Variants in SPMIP3 observed in about 807,000 individuals in gnomAD.
The protein encoded by SPMIP3 is protein SPMIP3.
At chr1:244,368,338 G>A in the SPMIP3 span, among the ~76,000 whole-genome samples, 1 of 152,174 alleles carries the variant, frequency 6.6e-6, no homozygotes, top group Non-Finnish European at 1.5e-5. Flanking sequence ...CTCTTACTCT[G>A]TGCCAAGCAC....
At chr1:244,367,414 TG>T in the SPMIP3 span, among the ~76,000 whole-genome samples, 1 of 151,948 alleles carries the variant, frequency 6.6e-6, no homozygotes, top group African/African-American at 2.4e-5. Context: ...GGGGTGGCCG[TG>T]GGCTGGAGAA....
chr1:244,374,587 C>CTTTTTTTTTTTTTTTTTTTTTT, the SPMIP3 span, among the ~76,000 whole-genome samples: 2 of 74,616 alleles, frequency 2.7e-5, 1 homozygote, highest in Non-Finnish European at 4.9e-5. Flanking sequence ...CCACATTTCT[C>CTTTTTTTTTTTTTTTTTTTTTT]TTTTTTTTTT....
chr1:244,378,655 T>C, the SPMIP3 span: 7 of 1,605,700 alleles, frequency 4.4e-6, no homozygotes, highest in South Asian at 2.2e-5. Flanking sequence ...TCAGGCCAAC[T>C]GCTCTTAACT....
At chr1:244,371,244 A>T in the SPMIP3 span, among the ~76,000 whole-genome samples, 1 of 152,224 alleles carries the variant, frequency 6.6e-6, no homozygotes, top group Non-Finnish European at 1.5e-5. Context: ...CCCAGTGAGA[A>T]GGAAAGGGCT....
the SPMIP3 span, among the ~76,000 whole-genome samples, chr1:244,353,259 T>G: frequency 2.1e-4 from 32 of 152,248 alleles, no homozygotes; most frequent in Admixed American, 2.0e-3. Flanking sequence ...AAAACAGATG[T>G]CTTGGCCAAG....
At chr1:244,357,374 G>A in the SPMIP3 span, among the ~76,000 whole-genome samples, 1 of 152,008 alleles carries the variant, frequency 6.6e-6, no homozygotes, top group African/African-American at 2.4e-5. Context: ...AGTGGTGGAT[G>A]GCCCTTACTA....
the SPMIP3 span, among the ~76,000 whole-genome samples, chr1:244,354,406 G>T: frequency 9.4e-5 from 14 of 148,622 alleles, no homozygotes; most frequent in Non-Finnish European, 1.3e-4. Flanking sequence ...ACCCAGGCTG[G>T]AGTGCAATGG....
At chr1:244,361,371 G>T in the SPMIP3 span, among the ~76,000 whole-genome samples, 1 of 151,678 alleles carries the variant, frequency 6.6e-6, no homozygotes, top group Non-Finnish European at 1.5e-5. Context: ...TGGGATTACA[G>T]GCATGCGCCA....
the SPMIP3 span, among the ~76,000 whole-genome samples, chr1:244,380,725 C>T: frequency 6.6e-6 from 1 of 152,134 alleles, no homozygotes; most frequent in Non-Finnish European, 1.5e-5. Flanking sequence ...TAAAGAGTGT[C>T]TCTTTCCATT....
At chr1:244,367,388 T>G in the SPMIP3 span, among the ~76,000 whole-genome samples, 1 of 151,824 alleles carries the variant, frequency 6.6e-6, no homozygotes, top group Non-Finnish European at 1.5e-5. Flanking sequence ...GGGGAGGCAA[T>G]GGTGAGCTGG....
chr1:244,364,612 G>A, the SPMIP3 span: 3 of 1,215,154 alleles, frequency 2.5e-6, no homozygotes, highest in East Asian at 2.3e-5. Flanking sequence ...GATGGACTTT[G>A]TGGTACTAGA....
the SPMIP3 span, among the ~76,000 whole-genome samples, chr1:244,364,949 G>A: frequency 1.3e-5 from 2 of 152,198 alleles, no homozygotes; most frequent in Non-Finnish European, 2.9e-5. Context: ...AAGCTGAGAC[G>A]CCGAAGAAAG....
the SPMIP3 span, among the ~76,000 whole-genome samples, chr1:244,361,418 G>A: frequency 2.6e-5 from 4 of 151,868 alleles, no homozygotes; most frequent in South Asian, 4.2e-4. Context: ...TAGTAAAGAC[G>A]GGGTTTCATC....
the SPMIP3 span, among the ~76,000 whole-genome samples, chr1:244,368,679 G>A: frequency 4.3e-4 from 66 of 152,326 alleles, no homozygotes; most frequent in African/African-American, 1.6e-3. Context: ...TATGTGTGGT[G>A]TGTACCCCTG....
chr1:244,373,339 T>G, the SPMIP3 span, among the ~76,000 whole-genome samples: 1 of 131,882 alleles, frequency 7.6e-6, no homozygotes, highest in Non-Finnish European at 1.7e-5. Context: ...AAATTATATA[T>G]ATATATATAT....
the SPMIP3 span, among the ~76,000 whole-genome samples, chr1:244,369,156 C>A: frequency 6.6e-6 from 1 of 151,644 alleles, no homozygotes; most frequent in African/African-American, 2.4e-5. Flanking sequence ...CAGACTCCGT[C>A]TCAAAAAAAA....
chr1:244,355,533 A>T, the SPMIP3 span, among the ~76,000 whole-genome samples: 1 of 151,986 alleles, frequency 6.6e-6, no homozygotes, highest in Non-Finnish European at 1.5e-5. Flanking sequence ...GATGACAGGC[A>T]AGCGCCACCA....
the SPMIP3 span, chr1:244,388,875 C>T: frequency 8.6e-7 from 1 of 1,164,756 alleles, no homozygotes; most frequent in African/African-American, 1.5e-5. Context: ...CTGTGCACAA[C>T]TGCTAAAAGG....
chr1:244,372,526 C>T, the SPMIP3 span, among the ~76,000 whole-genome samples: 1 of 151,830 alleles, frequency 6.6e-6, no homozygotes, highest in Non-Finnish European at 1.5e-5. Context: ...TCACTGCAAG[C>T]CCCACCTTCC....
Sources: allele counts gnomAD v4.1 joint callset (sites outside exome capture counted in the v4.1 genomes callset), GRCh38; gene constraint gnomAD v4.1.1; transcripts MANE v1.5; gene names NCBI Gene and HGNC (gene_info 2026-07-23, HGNC 2026-07-21).